SEMA3A: variants seen among roughly 807,000 people sequenced by gnomAD.
The protein encoded by SEMA3A is semaphorin 3A.
SEMA3A carries 29 observed loss-of-function variants against 97.9 expected under a neutral mutation model. The observed-to-expected ratio is 0.30, with a 90% confidence interval of 0.22 to 0.40. The LOEUF (loss-of-function observed/expected upper bound fraction) is 0.40, where lower values mean the gene tolerates loss of function less well. Among genes scored for constraint, SEMA3A ranks in the 10% least tolerant of loss-of-function variants. SEMA3A has a pLI of 1.00. For synonymous variants in SEMA3A, 321 were observed against 323.7 expected (o/e 0.99, Z 0.09); for missense variants, 763 against 951.3 (o/e 0.80, Z 2.60).
intron 3 of SEMA3A, among the ~76,000 whole-genome samples, chr7:84,211,155 A>C (rs1384580989): frequency 6.6e-6 from 1 of 152,156 alleles, no homozygotes; most frequent in African/African-American, 2.4e-5. Flanking sequence ...TCTTCAGTCT[A>C]TGTAGGTTTT....
intron 15 of SEMA3A, among the ~76,000 whole-genome samples, chr7:83,965,240 G>A (rs992789438): frequency 2.0e-5 from 3 of 151,426 alleles, no homozygotes; most frequent in Non-Finnish European, 2.9e-5. Flanking sequence ...CGTCCGGCCC[G>A]TTTAAACTTT....
intron 6 of SEMA3A, among the ~76,000 whole-genome samples, chr7:84,034,730 G>T (rs1791879022): frequency 6.6e-6 from 1 of 152,078 alleles, no homozygotes; most frequent in South Asian, 2.1e-4. Flanking sequence ...CTATAATGAA[G>T]TATTATTGGT....
chr7:84,067,210 G>T (rs1455050157), intron 4 of SEMA3A, among the ~76,000 whole-genome samples: 1 of 152,068 alleles, frequency 6.6e-6, no homozygotes, highest in African/African-American at 2.4e-5. Context: ...GGGAAAACTG[G>T]CTAGCCATAT....
Position 84,228,183 on chromosome 7 carries a change from T to C in SEMA3A, c.-82-33515A>G, listed in dbSNP as rs141574400. Among the ~76,000 whole-genome samples, 36 of 151,966 alleles carry C rather than the reference T, an allele frequency of 2.4e-4. No individual in the cohort carries two copies. In the East Asian group the frequency reaches 5.6e-3, roughly 24 times the overall value. On this transcript the variant is annotated intron_variant, in intron 3 of 3. Transcript: ENST00000424555. ...ATGAGATGGTTGGGCCTGGAATAAA[T>C]GGAGGACTAAGCAATGGGCAAATTG...
intron 1 of SEMA3A, among the ~76,000 whole-genome samples, chr7:84,431,156 T>C (rs930999541): frequency 2.7e-4 from 41 of 152,194 alleles, no homozygotes; most frequent in African/African-American, 9.9e-4. Context: ...GAGAATTGAT[T>C]TCTCCTAATA....
intron 1 of SEMA3A, among the ~76,000 whole-genome samples, chr7:84,138,608 TC>T (rs1333931721): frequency 6.6e-6 from 1 of 152,094 alleles, no homozygotes; most frequent in Non-Finnish European, 1.5e-5. Flanking sequence ...CTGTTACTTC[TC>T]AACAGTTTGA....
chr7:84,210,454 G>T (rs529682622), intron 3 of SEMA3A, among the ~76,000 whole-genome samples: 1 of 152,066 alleles, frequency 6.6e-6, no homozygotes, highest in Non-Finnish European at 1.5e-5. Context: ...GTGTGTGAGT[G>T]CAGGAAATGG....
At chr7:84,047,846 CT>C (rs1792414501) in intron 5 of SEMA3A, among the ~76,000 whole-genome samples, 1 of 151,840 alleles carries the variant, frequency 6.6e-6, no homozygotes, top group Non-Finnish European at 1.5e-5. Context: ...CAAATAAGGG[CT>C]TTGCAATGTA....
At chr7:84,070,034 A>C (rs1793683146) in intron 4 of SEMA3A, among the ~76,000 whole-genome samples, 1 of 152,142 alleles carries the variant, frequency 6.6e-6, no homozygotes, top group Non-Finnish European at 1.5e-5. Flanking sequence ...GAAGAGTGTG[A>C]AATAGATCGC....
At chr7:84,156,940 T>C (rs1562819903) in intron 1 of SEMA3A, among the ~76,000 whole-genome samples, 2 of 152,154 alleles carry the variant, frequency 1.3e-5, no homozygotes, top group Admixed American at 6.5e-5. Context: ...ATGGCCATGC[T>C]TGAAATGTCT....
intron 6 of SEMA3A, among the ~76,000 whole-genome samples, chr7:84,042,412 G>T (rs1035150190): frequency 3.9e-5 from 6 of 151,952 alleles, no homozygotes; most frequent in African/African-American, 1.5e-4. Flanking sequence ...TGTTCCCCAG[G>T]CCTTGGGATC....
chr7:84,043,362 A>G (rs1391057752), intron 6 of SEMA3A, among the ~76,000 whole-genome samples: 4 of 152,062 alleles, frequency 2.6e-5, no homozygotes, highest in Non-Finnish European at 5.9e-5. Context: ...TCAAGTTACA[A>G]TTTTAGAGAA....
intron 2 of SEMA3A, among the ~76,000 whole-genome samples, chr7:84,371,471 A>G (rs1327710709): frequency 2.6e-5 from 4 of 151,898 alleles, no homozygotes; most frequent in Non-Finnish European, 5.9e-5. Flanking sequence ...AAATTTGGAA[A>G]AGCATTTAGG....
At chr7:84,420,810 G>T (rs965972565) in intron 1 of SEMA3A, among the ~76,000 whole-genome samples, 3 of 152,034 alleles carry the variant, frequency 2.0e-5, no homozygotes, top group Non-Finnish European at 1.5e-5. Flanking sequence ...ATGGTAGTTT[G>T]TATTTCTGTG....
intron 4 of SEMA3A, among the ~76,000 whole-genome samples, chr7:84,099,078 T>C (rs1208895241): frequency 1.9e-5 from 1 of 52,152 alleles, no homozygotes; most frequent in Non-Finnish European, 6.5e-5. Flanking sequence ...TTTTTTTCTT[T>C]TTTTTTTTTT....
intron 1 of SEMA3A, among the ~76,000 whole-genome samples, chr7:84,403,508 A>T (rs1803967805): frequency 6.6e-6 from 1 of 152,224 alleles, no homozygotes; most frequent in Non-Finnish European, 1.5e-5. Flanking sequence ...TAACCTCTGC[A>T]GACTTAAATG....
rs964591431 is a variant in SEMA3A at position 84,053,142 on chromosome 7, C to T, written c.548-6699G>A. Among the ~76,000 whole-genome samples, 69 of 133,216 alleles carry T rather than the reference C, an allele frequency of 5.2e-4. 2 individuals carry two copies. The highest frequency in any genetic ancestry group is 1.7e-3 in the African/African-American group (67 of 39,096). The allele number at this position is 133,216 out of a possible 152,430, so 87.4% of individuals were successfully genotyped here. On this transcript the variant is annotated intron_variant, in intron 5 of 16. Transcript: ENST00000265362. ...AGAGCTTTACTTCCAACTATGTGGT[C>T]AATTTTGGAATAGATGTGGTGTGGT...
At chr7:84,048,981 A>C (rs2115599388) in intron 5 of SEMA3A, among the ~76,000 whole-genome samples, 1 of 152,214 alleles carries the variant, frequency 6.6e-6, no homozygotes, top group Admixed American at 6.6e-5. Context: ...CCAACCTCAT[A>C]TTAGACAGAC....
chr7:84,439,329 G>T (rs1373433231), intron 1 of SEMA3A, among the ~76,000 whole-genome samples: 1 of 151,978 alleles, frequency 6.6e-6, no homozygotes, highest in East Asian at 1.9e-4. Flanking sequence ...AAAGGGTTAG[G>T]ACAAGTGAAA....
Sources: allele counts gnomAD v4.1 joint callset (sites outside exome capture counted in the v4.1 genomes callset), GRCh38; gene constraint gnomAD v4.1.1; transcripts MANE v1.5; gene names NCBI Gene and HGNC (gene_info 2026-07-23, HGNC 2026-07-21).